NUBPL: variants seen among roughly 807,000 people sequenced by gnomAD.
NUBPL encodes NUBP iron-sulfur cluster assembly factor, mitochondrial, also known as iron-sulfur cluster transfer protein NUBPL.
NUBPL carries 31 observed loss-of-function variants against 45.7 expected under a neutral mutation model. That is an observed-to-expected ratio of 0.68 (90% CI 0.51 to 0.92). The LOEUF (loss-of-function observed/expected upper bound fraction) is 0.92. Ranked by LOEUF, NUBPL falls within the 40% of genes least tolerant of loss-of-function variation. NUBPL has a pLI of 0.00. For missense variants in NUBPL, 401 were observed against 398.7 expected, an observed-to-expected ratio of 1.01 and a Z score of -0.05; for synonymous variants, 144 against 140.9, an observed-to-expected ratio of 1.02 and a Z score of -0.15.
chr14:31,804,833 C>G (rs749482054), intron 7 of NUBPL, among the ~76,000 whole-genome samples: 1 of 152,082 alleles, frequency 6.6e-6, no homozygotes, highest in African/African-American at 2.4e-5. Flanking sequence ...TATCAAAACC[C>G]TGGAAGACAA....
chr14:31,810,888 G>A (rs1325803274), intron 7 of NUBPL, among the ~76,000 whole-genome samples: 1 of 152,134 alleles, frequency 6.6e-6, no homozygotes, highest in Non-Finnish European at 1.5e-5. Context: ...GCTTAGTTTG[G>A]CTGGATATGA....
chr14:31,587,345 C>G (rs559661771), intron 3 of NUBPL, among the ~76,000 whole-genome samples: 1 of 152,230 alleles, frequency 6.6e-6, no homozygotes, highest in African/African-American at 2.4e-5. Flanking sequence ...ACCTCATTTG[C>G]TAAATGTGTA....
intron 6 of NUBPL, among the ~76,000 whole-genome samples, chr14:31,766,284 A>G (rs932542145): frequency 2.6e-5 from 4 of 152,236 alleles, no homozygotes; most frequent in Non-Finnish European, 4.4e-5. Context: ...AGCGCAGGGT[A>G]GAGCCCATTA....
At chr14:31,846,309 A>G in intron 8 of NUBPL, 162 bp from the exon 9 acceptor site, 1 of 653,202 alleles carries the variant, frequency 1.5e-6, no homozygotes, top group South Asian at 1.8e-5. Context: ...CTCTCTTACT[A>G]GCTCATGAGT....
intron 4 of NUBPL, among the ~76,000 whole-genome samples, chr14:31,631,254 G>A (rs907041756): frequency 3.3e-5 from 5 of 152,026 alleles, no homozygotes; most frequent in African/African-American, 1.2e-4. Flanking sequence ...GGGTTGGGGG[G>A]CTACTCAGGG....
intron 10 of NUBPL, among the ~76,000 whole-genome samples, chr14:31,855,142 T>TTA (rs2040596807): frequency 6.6e-6 from 1 of 152,218 alleles, no homozygotes; most frequent in Non-Finnish European, 1.5e-5. Flanking sequence ...TGTCTCATCT[T>TTA]GCTTTAGTGA....
chr14:31,620,316 C>T (rs548393007), intron 4 of NUBPL, among the ~76,000 whole-genome samples: 2 of 152,088 alleles, frequency 1.3e-5, no homozygotes, highest in South Asian at 2.1e-4. Context: ...AGTTTTGTTC[C>T]CTTGCTTGCA....
intron 4 of NUBPL, among the ~76,000 whole-genome samples, chr14:31,652,007 CA>C (rs1175643373): frequency 6.6e-6 from 1 of 151,822 alleles, no homozygotes; most frequent in Non-Finnish European, 1.5e-5. Flanking sequence ...TGCTCAACAT[CA>C]CTAAGTGTCC....
intron 6 of NUBPL, among the ~76,000 whole-genome samples, chr14:31,704,016 C>T (rs564884464): frequency 5.9e-5 from 9 of 152,256 alleles, no homozygotes; most frequent in African/African-American, 9.6e-5. Flanking sequence ...TTGCTCATGC[C>T]GGTCTAACTA....
chr14:31,834,997 T>C (rs1415149201), intron 8 of NUBPL, among the ~76,000 whole-genome samples: 3 of 152,108 alleles, frequency 2.0e-5, no homozygotes, highest in Non-Finnish European at 4.4e-5. Flanking sequence ...TGCTTGTTAT[T>C]GGGGTTCTGA....
intron 8 of NUBPL, among the ~76,000 whole-genome samples, chr14:31,841,973 T>C (rs1290596151): frequency 7.6e-6 from 1 of 132,012 alleles, no homozygotes; most frequent in Non-Finnish European, 1.6e-5. Flanking sequence ...CTCTGTCGCC[T>C]GGGCTGGAGT....
intron 8 of NUBPL, among the ~76,000 whole-genome samples, chr14:31,828,995 T>C (rs528103476): frequency 1.4e-4 from 22 of 152,350 alleles, no homozygotes; most frequent in African/African-American, 5.3e-4. Flanking sequence ...TGAAGGCTGA[T>C]GGACTGCATA....
chr14:31,794,017 G>C (rs1426337539), intron 7 of NUBPL, among the ~76,000 whole-genome samples: 1 of 87,404 alleles, frequency 1.1e-5, no homozygotes, highest in Non-Finnish European at 2.2e-5. Flanking sequence ...TACTGAGAAT[G>C]ATGGTTTCCA....
At chr14:31,640,042 G>A (rs1427608812) in intron 4 of NUBPL, among the ~76,000 whole-genome samples, 3 of 152,152 alleles carry the variant, frequency 2.0e-5, no homozygotes, top group Non-Finnish European at 2.9e-5. Flanking sequence ...CTTCCTGAGC[G>A]AGGCAGTGCC....
chr14:31,728,251 G>A lies in NUBPL; in HGVS notation c.513+54677G>A, dbSNP rs921413927. Among the ~76,000 whole-genome samples the A allele has an allele frequency of 3.9e-5, 6 of 152,004 alleles. No individual in the cohort carries two copies. The East Asian group carries it at 1.2e-3, about 29-fold the overall frequency. ...TCCCATAAACCCAAGTGAGGAAATG[G>A]AAACTGAGAGCCACTCAAATGTACT... On this transcript the variant is annotated intron_variant, in intron 6 of 10. Coordinates refer to ENST00000281081, the MANE Select transcript of NUBPL (RefSeq NM_025152.3).
intron 8 of NUBPL, among the ~76,000 whole-genome samples, chr14:31,841,192 G>A (rs1395753395): frequency 6.6e-6 from 1 of 152,074 alleles, no homozygotes; most frequent in Non-Finnish European, 1.5e-5. Flanking sequence ...TCATGTTTCT[G>A]TTGATACATA....
chr14:31,753,302 A>C (rs1445285098), intron 6 of NUBPL, among the ~76,000 whole-genome samples: 1 of 151,938 alleles, frequency 6.6e-6, no homozygotes. Flanking sequence ...CAGATCTGGG[A>C]GGTGTATGCA....
At chr14:31,571,406 G>A (rs1250347309) in intron 3 of NUBPL, among the ~76,000 whole-genome samples, 2 of 150,974 alleles carry the variant, frequency 1.3e-5, no homozygotes, top group Non-Finnish European at 2.9e-5. Context: ...TGCTCAGAAG[G>A]GCAGCTCAGC....
intron 4 of NUBPL, among the ~76,000 whole-genome samples, chr14:31,612,926 G>A (rs898185409): frequency 1.3e-5 from 2 of 152,088 alleles, no homozygotes; most frequent in African/African-American, 4.8e-5. Flanking sequence ...ATATGACCCA[G>A]CAATCCCACT....
Sources: gnomAD v4.1 joint callset for allele counts (sites outside exome capture counted in the v4.1 genomes callset) on GRCh38, gnomAD v4.1.1 for gene constraint, MANE v1.5 for transcripts, NCBI Gene and HGNC (gene_info 2026-07-23, HGNC 2026-07-21) for gene names.